Variants in MYH10 observed in about 807,000 individuals in gnomAD.
MYH10 encodes the protein myosin heavy chain 10.
A neutral mutation model predicts 257.8 loss-of-function variants in MYH10; 55 were observed. The ratio of observed to expected loss-of-function variants is 0.21; its 90% confidence interval spans 0.17 to 0.27. The LOEUF (loss-of-function observed/expected upper bound fraction) is 0.27. Among genes scored for constraint, MYH10 ranks in the 10% least tolerant of loss-of-function variants. The pLI, the probability that MYH10 is intolerant of heterozygous loss-of-function variation, is 1.00. For synonymous variants in MYH10, 854 were observed against 921.7 expected (o/e 0.93, Z 1.33); for missense variants, 1,631 against 2,500.6 (o/e 0.65, Z 7.42).
intron 34 of MYH10, among the ~76,000 whole-genome samples, chr17:8,491,936 C>T (rs891872949): frequency 3.3e-5 from 5 of 152,178 alleles, no homozygotes; most frequent in African/African-American, 1.2e-4. Flanking sequence ...TCCTCCTCTC[C>T]AGGTCCCCAC....
intron 3 of MYH10, among the ~76,000 whole-genome samples, chr17:8,596,179 G>A (rs2084363520): frequency 7.1e-6 from 1 of 141,440 alleles, no homozygotes; most frequent in South Asian, 2.2e-4. Flanking sequence ...TTGAGACAGA[G>A]TCTCACTCTG....
chr17:8,551,083 T>C, intron 9 of MYH10, among the ~76,000 whole-genome samples: 1 of 150,590 alleles, frequency 6.6e-6, no homozygotes, highest in Non-Finnish European at 1.5e-5. Context: ...CCTCCACTAT[T>C]GTCCTATGAC....
In MYH10 at chr17:8,539,572, T is replaced by C. The variant is rs554892105; in HGVS notation, c.1605+2535A>G. On this transcript the variant is annotated intron_variant, in intron 14 of 42. Coordinates refer to ENST00000360416, the MANE Select transcript of MYH10 (RefSeq NM_001256012.3). ...ACCCCCAATCTGCATTTCCAGGCCATAATTGAGGATTTAATAAATTCTTTT... is the reference window on the plus strand; with the variant it reads ...ACCCCCAATCTGCATTTCCAGGCCACAATTGAGGATTTAATAAATTCTTTT... Among the ~76,000 whole-genome samples the C allele has an allele frequency of 6.6e-5, 10 of 152,264 alleles. No individual in the cohort carries two copies. The East Asian group carries it at 9.6e-4, about 15-fold the overall frequency.
intron 30 of MYH10, among the ~76,000 whole-genome samples, chr17:8,499,023 T>TTCAACTGTTAAGC (rs1917113265): frequency 6.6e-6 from 1 of 152,212 alleles, no homozygotes; most frequent in Non-Finnish European, 1.5e-5. Context: ...TAAGCAACTA[T>TTCAACTGTTAAGC]AAACACAATT....
intron 13 of MYH10, among the ~76,000 whole-genome samples, chr17:8,544,520 T>G (rs939069062): frequency 6.6e-6 from 1 of 152,196 alleles, no homozygotes; most frequent in Non-Finnish European, 1.5e-5. Context: ...TCAAAACACC[T>G]TAAAGCAATC....
chr17:8,480,270 T>C lies in MYH10; in HGVS notation c.5437A>G (p.Lys1813Glu). The C allele has an allele frequency of 6.2e-7, 1 of 1,614,130 alleles. No individual in the cohort carries two copies. The highest frequency in any genetic ancestry group is 1.3e-5 in the African/African-American group (1 of 75,054). Residue 1813 changes from lysine to glutamate, a missense_variant, in exon 40 of 43, where the codon AAG becomes GAG. Coordinates refer to ENST00000360416, the MANE Select transcript of MYH10 (RefSeq NM_001256012.3). The stretch of plus-strand genomic sequence containing the variant: ...AGTTGCTGGCGTGCATTGTCACTCT[T>C]CTGGGCGGCGCTGCGCTCGGCTGCT... The part of the protein sequence containing the change: ...ELAAERSAAQ[K>E]SDNARQQLER...
intron 36 of MYH10, among the ~76,000 whole-genome samples, chr17:8,485,814 A>C (rs900535818): frequency 2.6e-5 from 4 of 152,222 alleles, no homozygotes; most frequent in African/African-American, 7.2e-5. Context: ...ACCCAGCTCA[A>C]TTCCACTCCT....
In MYH10 at chr17:8,476,984, G is replaced by A. The variant is rs778680463; in HGVS notation, c.5771C>T (p.Ala1924Val). 16 of 1,614,046 alleles carry A rather than the reference G, an allele frequency of 9.9e-6. No homozygotes were observed. The highest frequency in any genetic ancestry group is 6.7e-5 in the East Asian group (3 of 44,882). The part of the protein sequence containing the change: ...KRQLEEAEEE[A>V]TRANASRRKL... ...ACGCCGAGATGCGTTGGCACGCGTCGCTTCTTCTTCTGCTTCCTCCAGCTG... is the reference window on the plus strand; with the variant it reads ...ACGCCGAGATGCGTTGGCACGCGTCACTTCTTCTTCTGCTTCCTCCAGCTG... Residue 1924 changes from alanine (A) to valine (V), a missense_variant, in exon 42 of 43, where the codon GCG becomes GTG. Ala to Val is a moderately conservative substitution (Grantham distance 64). Around this residue, in one of 11 missense-constraint regions of MYH10, gnomAD observed 343 missense variants for 389.5 expected, o/e 0.88. Coordinates refer to ENST00000360416, the MANE Select transcript of MYH10 (RefSeq NM_001256012.3).
intron 28 of MYH10, 78 bp from the exon 29 acceptor site, chr17:8,501,048 GT>G: frequency 7.1e-7 from 1 of 1,415,964 alleles, no homozygotes; most frequent in Admixed American, 2.2e-5. Flanking sequence ...AAAAAGTACT[GT>G]TTTTGTTTTA....
Position 8,535,984 on chromosome 17 carries a change from T to A in MYH10, c.1606-53A>T. 6.6e-7 allele frequency: 1 copy of A among 1,513,886 alleles called. No homozygotes were observed. The highest frequency in any genetic ancestry group is 9.1e-7 in the Non-Finnish European group (1 of 1,104,060). 93.8% of individuals were successfully genotyped at this position (1,513,886 alleles called of 1,614,324 possible). A position where few individuals can be genotyped will look rare whatever the true frequency, so the allele number is the denominator to read the frequency against. On this transcript the variant is annotated intron_variant, in intron 14 of 42. Coordinates refer to ENST00000360416, the MANE Select transcript of MYH10 (RefSeq NM_001256012.3). The surrounding 1 kb of genome is among the most constrained non-coding windows in gnomAD (Gnocchi z 4.3). Reference sequence around the variant, plus strand: ...CAAGTTTTGCATGCCACTTTAATACTACTGAGTCTGGCACTTAAACTTCTA... The same window carrying A: ...CAAGTTTTGCATGCCACTTTAATACAACTGAGTCTGGCACTTAAACTTCTA...
intron 7 of MYH10, among the ~76,000 whole-genome samples, chr17:8,559,865 C>G (rs943361663): frequency 6.6e-6 from 1 of 152,192 alleles, no homozygotes; most frequent in African/African-American, 2.4e-5. Context: ...TATCTATACA[C>G]TACCTCATTG....
chr17:8,620,532 C>T (rs997447337), intron 2 of MYH10, among the ~76,000 whole-genome samples: 5 of 151,984 alleles, frequency 3.3e-5, no homozygotes, highest in Non-Finnish European at 7.4e-5. Context: ...AATAACTAAA[C>T]CTGTTAGCAA....
intron 4 of MYH10, among the ~76,000 whole-genome samples, chr17:8,585,175 ATG>A (rs1471135045): frequency 6.9e-5 from 10 of 145,130 alleles, no homozygotes; most frequent in East Asian, 4.1e-4. Context: ...ACATATATAT[ATG>A]TGTGTGTGTG....
chr17:8,495,636 G>C (rs574587000), intron 30 of MYH10, among the ~76,000 whole-genome samples: 1 of 152,088 alleles, frequency 6.6e-6, no homozygotes. Context: ...ACGAATATGC[G>C]TTAACCATAT....
At chr17:8,579,277 TA>T (rs5819200) in intron 4 of MYH10, among the ~76,000 whole-genome samples, 101,976 of 145,482 alleles carry the variant, frequency 0.7, 35,378 homozygotes, top group East Asian at 0.77. Context: ...AGACCCTGTC[TA>T]AAAAAAAAAA....
intron 2 of MYH10, among the ~76,000 whole-genome samples, chr17:8,619,709 A>T (rs560284856): frequency 9.9e-5 from 15 of 152,228 alleles, no homozygotes; most frequent in Admixed American, 3.3e-4. Context: ...GGATCACTTG[A>T]GGTCAGGAGT....
At chr17:8,502,480 TTGTGTG>T (rs55865122) in intron 28 of MYH10, among the ~76,000 whole-genome samples, 59,623 of 150,136 alleles carry the variant, frequency 0.4, 11,724 homozygotes, top group East Asian at 0.5. Context: ...GGGAAAATAG[TTGTGTG>T]TGTGTGTGTG....
At chr17:8,577,425 G>A in intron 4 of MYH10, 87 bp from the exon 5 acceptor site, 10 of 651,754 alleles carry the variant, frequency 1.5e-5, no homozygotes, top group South Asian at 8.6e-5. Context: ...AAATTGTATT[G>A]GAACAATAAT....
At position 8,553,987 on chromosome 17, in the gene MYH10, G is replaced by A; in HGVS notation, c.788C>T (p.Thr263Ile). 1 of 1,613,202 alleles carries A rather than the reference G, an allele frequency of 6.2e-7. No individual in the cohort carries two copies. Among genetic ancestry groups the A allele is most frequent in the Non-Finnish European group, 8.5e-7 (1 of 1,179,500 alleles). Residue 263 changes from threonine (T) to isoleucine (I), a missense_variant, in exon 8 of 43, where the codon ACT becomes ATT. Around this residue, in one of 11 missense-constraint regions of MYH10, gnomAD observed 360 missense variants for 581.9 expected, o/e 0.62. Coordinates refer to ENST00000360416, the MANE Select transcript of MYH10 (RefSeq NM_001256012.3). The stretch of plus-strand genomic sequence containing the variant: ...AATGTTGGCCCCAACGATATAGCCA[G>A]TTACATCAAAGTTGATCCGAATAAA... ...GKFIRINFDVTGYIVGANIET... is the reference protein window; with the variant it reads ...GKFIRINFDVIGYIVGANIET...
Sources: allele counts gnomAD v4.1 joint callset (sites outside exome capture counted in the v4.1 genomes callset), GRCh38; gene constraint gnomAD v4.1.1; regional missense constraint gnomAD v4.1.1; non-coding constraint Gnocchi (gnomAD v3.1); transcripts MANE v1.5; gene names NCBI Gene and HGNC (gene_info 2026-07-23, HGNC 2026-07-21).